The following IL17RB variants were observed in gnomAD, a reference collection of about 807,000 sequenced individuals.
The protein encoded by IL17RB is interleukin 17 receptor B, also known as interleukin-17 receptor B.
IL17RB carries 36 observed loss-of-function variants against 43.9 expected under a neutral mutation model. The observed-to-expected ratio is 0.82, with a 90% confidence interval of 0.63 to 1.08. The LOEUF is 1.08. IL17RB is among the 50% of genes least tolerant of loss of function. The pLI is 0.00. For synonymous variants in IL17RB, 225 were observed against 225.4 expected, an observed-to-expected ratio of 1.00 and a Z score of 0.02; for missense variants, 613 against 613.6, an observed-to-expected ratio of 1.00 and a Z score of 0.01.
intron 1 of IL17RB, among the ~76,000 whole-genome samples, chr3:53,847,303 C>G (rs1238819931): frequency 6.6e-6 from 1 of 152,156 alleles, no homozygotes; most frequent in South Asian, 2.1e-4. Flanking sequence ...CAGCTCCTAT[C>G]CTTCCCCTCT....
At chr3:53,858,918 C>T (rs1699455241) in intron 9 of IL17RB, 100 bp downstream of exon 9, 2 of 881,528 alleles carry the variant, frequency 2.3e-6, no homozygotes, top group East Asian at 5.3e-5. Flanking sequence ...GTGGGCAGTG[C>T]AAGGGGTCGC....
chr3:53,846,602 T>C lies in IL17RB; in HGVS notation c.14T>C (p.Leu5Pro). 1 of 1,588,718 alleles carries C rather than the reference T, an allele frequency of 6.3e-7. No homozygotes were observed. Among genetic ancestry groups the C allele is most frequent in the Non-Finnish European group, 8.5e-7 (1 of 1,171,598 alleles). Residue 5 changes from leucine to proline, a missense_variant, in exon 1 of 11, where the codon CTG becomes CCG. Coordinates refer to ENST00000288167, the MANE Select transcript of IL17RB (RefSeq NM_018725.4). ...AGTGGCCCGGCGATGTCGCTCGTGC[T>C]GCTAAGCCTGGCCGCGCTGTGCAGG... The part of the protein sequence containing the change: MSLV[L>P]LSLAALCRSA...
At position 53,860,243 on chromosome 3, in the gene IL17RB, T is replaced by G; in HGVS notation, c.946+15T>G. On this transcript the variant is annotated intron_variant, in intron 10 of 10. Coordinates refer to ENST00000288167, the MANE Select transcript of IL17RB (RefSeq NM_018725.4). ...GTGGAGGCACGGTAAGGGTTATAAT[T>G]CTTTAAAGACATCCTAGTAAGGAAA... 6.3e-7 allele frequency: 1 copy of G among 1,580,570 alleles called. No homozygotes were observed. The highest frequency in any genetic ancestry group is 8.6e-7 in the Non-Finnish European group (1 of 1,158,016).
intron 2 of IL17RB, 64 bp downstream of exon 2, chr3:53,848,752 A>G: frequency 6.5e-7 from 1 of 1,529,098 alleles, no homozygotes; most frequent in Non-Finnish European, 9.1e-7. Flanking sequence ...ACTTTTAGGA[A>G]GCCTAATATA....
intron 2 of IL17RB, 90 bp from the exon 3 acceptor site, chr3:53,849,565 G>T: frequency 8.6e-7 from 1 of 1,156,316 alleles, no homozygotes; most frequent in Non-Finnish European, 1.2e-6. Flanking sequence ...GTGAATGGGG[G>T]AAGGTTTGGT....
At chr3:53,852,607 G>C (rs189078127) in intron 4 of IL17RB, among the ~76,000 whole-genome samples, 4 of 152,232 alleles carry the variant, frequency 2.6e-5, no homozygotes, top group South Asian at 4.1e-4. Context: ...TGTGCCTTTT[G>C]TAAGTCAGCA....
intron 8 of IL17RB, 46 bp from the exon 9 acceptor site, chr3:53,858,673 C>T: frequency 6.2e-7 from 1 of 1,603,984 alleles, no homozygotes. Flanking sequence ...TGAGATTTTG[C>T]TCTGATGCAT....
intron 5 of IL17RB, among the ~76,000 whole-genome samples, chr3:53,854,973 C>T (rs28385671): frequency 6.6e-6 from 1 of 151,858 alleles, no homozygotes; most frequent in African/African-American, 2.4e-5. Flanking sequence ...AAAAATTAGC[C>T]GGGCGTGGTG....
chr3:53,865,464 A>G lies in IL17RB; in HGVS notation c.*156A>G. The stretch of plus-strand genomic sequence containing the variant: ...TAAAATTTTCAAATATTGCTAACTA[A>G]TGTAGCATTAACTAACGATTGGAAA... On this transcript the variant is annotated 3_prime_UTR_variant, in exon 11 of 11. Transcript: ENST00000288167. The G allele has an allele frequency of 1.7e-6, 1 of 574,654 alleles. No homozygotes were observed. Among genetic ancestry groups the G allele is most frequent in the Non-Finnish European group, 3.0e-6 (1 of 335,312 alleles). 35.6% of individuals were successfully genotyped at this position (574,654 alleles called of 1,614,324 possible). A position where few individuals can be genotyped will look rare whatever the true frequency, so the allele number is the denominator to read the frequency against.
intron 2 of IL17RB, among the ~76,000 whole-genome samples, chr3:53,849,016 T>C (rs1424891539): frequency 1.3e-5 from 2 of 152,162 alleles, no homozygotes; most frequent in African/African-American, 4.8e-5. Flanking sequence ...AAGCAAATGT[T>C]TCATAGGAGA....
chr3:53,849,814 G>A lies in IL17RB; in HGVS notation c.226+19G>A. ...GCAGATGGTAAGTTTGCATCCATCAGAGATAAGGCCCAAAGTGTCTACTAA... is the reference window on the plus strand; with the variant it reads ...GCAGATGGTAAGTTTGCATCCATCAAAGATAAGGCCCAAAGTGTCTACTAA... On this transcript the variant is annotated intron_variant, in intron 3 of 10. Coordinates refer to ENST00000288167, the MANE Select transcript of IL17RB (RefSeq NM_018725.4). The A allele has an allele frequency of 6.3e-6, 10 of 1,586,240 alleles. No homozygotes were observed. Among genetic ancestry groups the A allele is most frequent in the African/African-American group, 1.3e-5 (1 of 74,206 alleles).
At chr3:53,850,380 C>T (rs1244918685) in intron 3 of IL17RB, among the ~76,000 whole-genome samples, 1 of 151,710 alleles carries the variant, frequency 6.6e-6, no homozygotes, top group African/African-American at 2.4e-5. Context: ...ACCTGTAATC[C>T]CAGCTACTCG....
chr3:53,850,266 G>C (rs1045360474), intron 3 of IL17RB, among the ~76,000 whole-genome samples: 2 of 152,202 alleles, frequency 1.3e-5, no homozygotes, highest in Non-Finnish European at 2.9e-5. Context: ...GGAGGCCGAG[G>C]TGGGTGGATC....
In IL17RB at chr3:53,857,614, A is replaced by C; in HGVS notation, c.673-2A>C. The C allele has an allele frequency of 6.2e-7, 1 of 1,613,954 alleles. No homozygotes were observed. The highest frequency in any genetic ancestry group is 8.5e-7 in the Non-Finnish European group (1 of 1,179,820). On this transcript the variant is annotated splice_acceptor_variant, in intron 7 of 10. Coordinates refer to ENST00000288167, the MANE Select transcript of IL17RB (RefSeq NM_018725.4). LOFTEE classifies it high-confidence loss of function. The stretch of plus-strand genomic sequence containing the variant: ...ATAATTCTTGACTCTCTCTCTCTTA[A>C]GCCACACCAGAAGAAACAAACGCGA...
intron 10 of IL17RB, among the ~76,000 whole-genome samples, chr3:53,862,422 C>T (rs1175277502): frequency 6.6e-6 from 1 of 152,172 alleles, no homozygotes; most frequent in Non-Finnish European, 1.5e-5. Flanking sequence ...GCCATGAAAG[C>T]CATCAAGCCT....
Position 53,848,703 on chromosome 3 carries a change from G to T in IL17RB, c.85+15G>T, listed in dbSNP as rs923512092. ...CTCTGAAACTGGTAGGTGCATTAGAGAATGGGTATTTGGGGCTTTACATTG... is the reference window on the plus strand; with the variant it reads ...CTCTGAAACTGGTAGGTGCATTAGATAATGGGTATTTGGGGCTTTACATTG... On this transcript the variant is annotated intron_variant, in intron 2 of 10. Coordinates refer to ENST00000288167, the MANE Select transcript of IL17RB (RefSeq NM_018725.4). 6.2e-7 allele frequency: 1 copy of T among 1,613,896 alleles called. No individual in the cohort carries two copies.
chr3:53,854,315 T>C (rs1009490136), intron 5 of IL17RB, among the ~76,000 whole-genome samples: 2 of 152,366 alleles, frequency 1.3e-5, no homozygotes, highest in Middle Eastern at 3.4e-3. Context: ...TTGTCAAAAC[T>C]AAGAAACCAA....
chr3:53,856,966 G>C lies in IL17RB; in HGVS notation c.652G>C (p.Gly218Arg). ...TCTTATCCAACACAGCACTATCATC[G>C]GGTTTTCTCAGGTGTTTGAGGTACT... The part of the protein sequence containing the change: ...MALIQHSTII[G>R]FSQVFEPHQK... The change falls in exon 7 of 11, where the codon GGG (glycine) becomes CGG (arginine). Residue 218 changes from glycine (G) to arginine (R), a missense_variant. Coordinates refer to ENST00000288167, the MANE Select transcript of IL17RB (RefSeq NM_018725.4). 1 of 1,614,038 alleles carries C rather than the reference G, an allele frequency of 6.2e-7. No homozygotes were observed. The highest frequency in any genetic ancestry group is 8.5e-7 in the Non-Finnish European group (1 of 1,180,028).
chr3:53,848,672 A>G lies in IL17RB; in HGVS notation c.69A>G (p.Gln23=), dbSNP rs112485971. 23 of 1,614,058 alleles carry G rather than the reference A, an allele frequency of 1.4e-5. No homozygotes were observed. In the African/African-American group the frequency reaches 1.6e-4, roughly 11 times the overall value. ...TTTTTTCTCTCCCACAGACCGTTCA[A>G]TGTGGCTCTGAAACTGGTAGGTGCA... ...RSAVPREPTV[Q]CGSETGPSPE... The change falls in exon 2 of 11, where the codon CAA becomes CAG. Residue 23 remains glutamine (Q), a synonymous_variant. Transcript: ENST00000288167.
Sources: allele counts gnomAD v4.1 joint callset (sites outside exome capture counted in the v4.1 genomes callset), GRCh38; gene constraint gnomAD v4.1.1; transcripts MANE v1.5; gene names NCBI Gene and HGNC (gene_info 2026-07-23, HGNC 2026-07-21).